Variants in PLCB1 observed in about 807,000 individuals in gnomAD.
PLCB1 encodes phospholipase C beta 1.
In PLCB1, 46 loss-of-function variants were observed where a neutral mutation model predicts 161.8. The ratio of observed to expected loss-of-function variants is 0.28; its 90% confidence interval spans 0.22 to 0.36. The LOEUF (loss-of-function observed/expected upper bound fraction) is 0.36, where lower values mean the gene tolerates loss of function less well. PLCB1 is among the 10% of genes least tolerant of loss of function. The pLI is 1.00. For synonymous variants in PLCB1, 517 were observed against 503.7 expected (o/e 1.03, Z -0.35); for missense variants, 1,016 against 1,472.5 (o/e 0.69, Z 5.07).
chr20:8,813,730 C>G (rs1984944667), intron 31 of PLCB1, among the ~76,000 whole-genome samples: 1 of 152,134 alleles, frequency 6.6e-6, no homozygotes, highest in African/African-American at 2.4e-5. Flanking sequence ...ACTGAGGAGG[C>G]TGAGGCGGGA....
At chr20:8,215,609 G>A (rs6140556) in intron 2 of PLCB1, among the ~76,000 whole-genome samples, 1 of 152,060 alleles carries the variant, frequency 6.6e-6, no homozygotes, top group Admixed American at 6.6e-5. Flanking sequence ...AACAGTCCTA[G>A]TTTGAGGCTA....
At chr20:8,548,743 G>C (rs919726738) in intron 3 of PLCB1, among the ~76,000 whole-genome samples, 2 of 130,492 alleles carry the variant, frequency 1.5e-5, no homozygotes, top group Admixed American at 1.5e-4. Context: ...AACAGTGGTT[G>C]TATTTGGTAT....
intron 3 of PLCB1, among the ~76,000 whole-genome samples, chr20:8,557,021 A>T (rs886872453): frequency 2.7e-5 from 2 of 74,604 alleles, no homozygotes; most frequent in South Asian, 4.0e-4. Flanking sequence ...TAAAATAAAT[A>T]AAAAAAATAA....
chr20:8,741,956 A>T (rs888489612), intron 23 of PLCB1, among the ~76,000 whole-genome samples: 3 of 152,192 alleles, frequency 2.0e-5, no homozygotes, highest in African/African-American at 4.8e-5. Flanking sequence ...GGATTTTCAA[A>T]GTGCTTTTCT....
intron 2 of PLCB1, among the ~76,000 whole-genome samples, chr20:8,175,796 T>G (rs972574903): frequency 1.3e-5 from 2 of 151,862 alleles, no homozygotes; most frequent in African/African-American, 4.8e-5. Flanking sequence ...TAAAGGACCT[T>G]CAAATTCACA....
In PLCB1 at chr20:8,575,975, G is replaced by A. The variant is rs146746589; in HGVS notation, c.247-52319G>A. 2.6e-3 allele frequency among the ~76,000 whole-genome samples: 392 copies of A among 152,192 alleles called. 4 individuals are homozygous for A. Among genetic ancestry groups the A allele is most frequent in the African/African-American group, 9.2e-3 (382 of 41,528 alleles). On this transcript the variant is annotated intron_variant, in intron 3 of 31. Coordinates refer to ENST00000338037, the MANE Select transcript of PLCB1 (RefSeq NM_015192.4). The stretch of plus-strand genomic sequence containing the variant: ...CTTCAAACATTTGCAAATTAACTAA[G>A]TCATAAGTACTCTAGACCAATTTAT...
chr20:8,261,016 C>G (rs1981663458), intron 2 of PLCB1, among the ~76,000 whole-genome samples: 1 of 152,128 alleles, frequency 6.6e-6, no homozygotes, highest in Non-Finnish European at 1.5e-5. Flanking sequence ...ACCTCACAGC[C>G]CTTGTGTTGC....
At chr20:8,700,424 C>T (rs1477397544) in intron 11 of PLCB1, among the ~76,000 whole-genome samples, 4 of 152,236 alleles carry the variant, frequency 2.6e-5, no homozygotes, top group African/African-American at 7.2e-5. Context: ...ATTGAGTCAA[C>T]TTGGAGTGAC....
At chr20:8,291,823 A>G (rs1216806089) in intron 2 of PLCB1, among the ~76,000 whole-genome samples, 1 of 152,210 alleles carries the variant, frequency 6.6e-6, no homozygotes, top group Non-Finnish European at 1.5e-5. Context: ...TGGTGGTATT[A>G]TCATGAAAAT....
At chr20:8,223,982 A>G (rs574576019) in intron 2 of PLCB1, among the ~76,000 whole-genome samples, 2 of 152,326 alleles carry the variant, frequency 1.3e-5, no homozygotes, top group South Asian at 2.1e-4. Flanking sequence ...GAATTTTTCA[A>G]AGTTGCTTAT....
intron 3 of PLCB1, among the ~76,000 whole-genome samples, chr20:8,378,655 CA>C (rs1987168989): frequency 6.6e-6 from 1 of 152,160 alleles, no homozygotes; most frequent in African/African-American, 2.4e-5. Context: ...AATAAGACAA[CA>C]GTGAAGTTTG....
At chr20:8,235,917 A>G (rs1312017528) in intron 2 of PLCB1, among the ~76,000 whole-genome samples, 9 of 152,116 alleles carry the variant, frequency 5.9e-5, no homozygotes, top group Admixed American at 3.9e-4. Context: ...CTTGTATTAA[A>G]TTGAAACTCT....
intron 3 of PLCB1, among the ~76,000 whole-genome samples, chr20:8,545,732 G>A (rs553627779): frequency 3.9e-5 from 6 of 152,278 alleles, no homozygotes; most frequent in African/African-American, 1.4e-4. Context: ...AGAGTGCATG[G>A]GTGAAAGATA....
intron 26 of PLCB1, among the ~76,000 whole-genome samples, chr20:8,774,222 A>G (rs1982830679): frequency 6.6e-6 from 1 of 151,556 alleles, no homozygotes; most frequent in African/African-American, 2.4e-5. Flanking sequence ...AAAACCTGAA[A>G]ATTTTTTATT....
intron 2 of PLCB1, among the ~76,000 whole-genome samples, chr20:8,271,346 A>C (rs539690865): frequency 2.4e-4 from 37 of 152,222 alleles, no homozygotes; most frequent in African/African-American, 8.7e-4. Flanking sequence ...GGCCATCTCT[A>C]CTTCCATGAA....
intron 31 of PLCB1, among the ~76,000 whole-genome samples, chr20:8,830,765 A>T (rs1985943310): frequency 6.6e-6 from 1 of 152,112 alleles, no homozygotes; most frequent in African/African-American, 2.4e-5. Context: ...GAAGGCTGGC[A>T]TCAGTATGTC....
intron 2 of PLCB1, among the ~76,000 whole-genome samples, chr20:8,295,143 C>CA (rs1209850033): frequency 6.6e-6 from 1 of 152,070 alleles, no homozygotes; most frequent in Non-Finnish European, 1.5e-5. Flanking sequence ...AGAATTTTAA[C>CA]AAGGTGTTTT....
intron 2 of PLCB1, among the ~76,000 whole-genome samples, chr20:8,226,195 A>G (rs1482862576): frequency 6.6e-6 from 1 of 152,110 alleles, no homozygotes; most frequent in Non-Finnish European, 1.5e-5. Flanking sequence ...TTCGAGCCAT[A>G]AGCTTACCTT....
Position 8,236,592 on chromosome 20 carries a change from G to A in PLCB1, c.177+86221G>A, listed in dbSNP as rs1383956741. On this transcript the variant is annotated intron_variant, in intron 2 of 31. Coordinates refer to ENST00000338037, the MANE Select transcript of PLCB1 (RefSeq NM_015192.4). The stretch of plus-strand genomic sequence containing the variant: ...GTACTAAATCAATTGGGTAACACAG[G>A]ATTATTCAATGAGAGGCAGAAACTA... 2.0e-5 allele frequency among the ~76,000 whole-genome samples: 3 copies of A among 151,888 alleles called. No individual in the cohort carries two copies. In the East Asian group the frequency reaches 5.8e-4, roughly 29 times the overall value.
Sources: gnomAD v4.1 joint callset for allele counts (sites outside exome capture counted in the v4.1 genomes callset) on GRCh38, gnomAD v4.1.1 for gene constraint, MANE v1.5 for transcripts, NCBI Gene and HGNC (gene_info 2026-07-23, HGNC 2026-07-21) for gene names.